The following SLC5A7 variants were observed in gnomAD, a reference collection of about 807,000 sequenced individuals.
SLC5A7 encodes solute carrier family 5 member 7.
SLC5A7 carries 19 observed loss-of-function variants against 55.4 expected under a neutral mutation model. The observed-to-expected ratio is 0.34, with a 90% CI of 0.24 to 0.50. The LOEUF (loss-of-function observed/expected upper bound fraction) is 0.50. Among genes scored for constraint, SLC5A7 ranks in the 20% least tolerant of loss-of-function variants. The probability of loss-of-function intolerance (pLI) is 0.98; values close to 1 mark genes in which losing one functional copy is unlikely to be tolerated. For synonymous variants in SLC5A7, 265 were observed against 263.7 expected (o/e 1.00, Z -0.05); for missense variants, 506 against 705.3 (o/e 0.72, Z 3.20).
chr2:108,011,029 G>T lies in SLC5A7; in HGVS notation c.*168G>T. The T allele has an allele frequency of 3.5e-6, 2 of 576,578 alleles. No homozygotes were observed. Among genetic ancestry groups the T allele is most frequent in the Non-Finnish European group, 5.3e-6 (2 of 374,122 alleles). The allele number at this position is 576,578 out of a possible 1,614,324, so 35.7% of individuals were successfully genotyped here. A position where few individuals can be genotyped will look rare whatever the true frequency, so the allele number is the denominator to read the frequency against. ...CAAATACAAGCCAAGCTAGAAGGAA[G>T]CACCTATGAAAGCAACAACTTTGTT... is the stretch of plus-strand genomic sequence containing the variant. On this transcript the variant is annotated 3_prime_UTR_variant, in exon 9 of 9. Coordinates refer to ENST00000264047, the MANE Select transcript of SLC5A7 (RefSeq NM_021815.5).
intron 5 of SLC5A7, among the ~76,000 whole-genome samples, chr2:107,999,421 A>T (rs1015838239): frequency 6.6e-6 from 1 of 152,200 alleles, no homozygotes; most frequent in Non-Finnish European, 1.5e-5. Context: ...GTGATTTCTC[A>T]TTGCTTTGTA....
intron 8 of SLC5A7, 107 bp from the exon 9 acceptor site, chr2:108,010,125 C>T: frequency 2.2e-6 from 3 of 1,349,962 alleles, no homozygotes; most frequent in Non-Finnish European, 3.0e-6. Context: ...CCATTTGAAC[C>T]AGGAGAATTC....
intron 2 of SLC5A7, among the ~76,000 whole-genome samples, chr2:107,990,021 A>G (rs1677390493): frequency 6.6e-6 from 1 of 152,132 alleles, no homozygotes; most frequent in African/African-American, 2.4e-5. Flanking sequence ...CTTGGTCAAT[A>G]TCATAATTCA....
rs1678397042 is a variant in SLC5A7, at chr2:108,013,008, A to G, written c.*2147A>G. 1 of 152,110 alleles carries G rather than the reference A, an allele frequency of 6.6e-6. No homozygotes were observed. The highest frequency in any genetic ancestry group is 2.1e-4 in the South Asian group (1 of 4,832). 9.4% of individuals were successfully genotyped at this position (152,110 alleles called of 1,614,324 possible). ...GGCACAGACTTCCACCATGTGCATCAGGAAACACCTCACTCATACTGTCAT... is the reference window on the plus strand; with the variant it reads ...GGCACAGACTTCCACCATGTGCATCGGGAAACACCTCACTCATACTGTCAT... On this transcript the variant is annotated 3_prime_UTR_variant, in exon 9 of 9. Coordinates refer to ENST00000264047, the MANE Select transcript of SLC5A7 (RefSeq NM_021815.5).
At chr2:107,994,852 A>G (rs1677607361) in intron 4 of SLC5A7, among the ~76,000 whole-genome samples, 1 of 152,206 alleles carries the variant, frequency 6.6e-6, no homozygotes, top group South Asian at 2.1e-4. Flanking sequence ...AAAATACAAA[A>G]TGTTCACTCA....
At chr2:107,987,360 A>G (rs1677288193) in intron 1 of SLC5A7, among the ~76,000 whole-genome samples, 1 of 152,234 alleles carries the variant, frequency 6.6e-6, no homozygotes, top group Non-Finnish European at 1.5e-5. Context: ...TTAAAACAAC[A>G]GCAACAACAA....
intron 6 of SLC5A7, among the ~76,000 whole-genome samples, chr2:108,002,282 T>G (rs1172485704): frequency 6.6e-6 from 1 of 152,064 alleles, no homozygotes; most frequent in Non-Finnish European, 1.5e-5. Flanking sequence ...GGGTCCTCAT[T>G]TCCGTTGTGA....
In SLC5A7 at chr2:108,012,757, A is replaced by T. The variant is rs373405723; in HGVS notation, c.*1896A>T. ...TATTTTTGGAACCAGTAAGTATGGG[A>T]GTCCACGATTCTCAGGTATTGATTG... On this transcript the variant is annotated 3_prime_UTR_variant, in exon 9 of 9. Transcript: ENST00000264047. 3.9e-5 allele frequency: 6 copies of T among 152,288 alleles called. No individual in the cohort carries two copies. In the East Asian group the frequency reaches 9.7e-4, roughly 24 times the overall value. 9.4% of individuals were successfully genotyped at this position (152,288 alleles called of 1,614,324 possible). A position where few individuals can be genotyped will look rare whatever the true frequency, so the allele number is the denominator to read the frequency against.
At position 108,010,561 on chromosome 2, in the gene SLC5A7, A is replaced by C; in HGVS notation, c.1443A>C (p.Thr481=). 6.2e-7 allele frequency: 1 copy of C among 1,613,754 alleles called. No homozygotes were observed. Among genetic ancestry groups the C allele is most frequent in the Non-Finnish European group, 8.5e-7 (1 of 1,179,864 alleles). ...GIYNQKFPFK[T]LAMVTSFLTN... is the part of the protein sequence containing the mutation. ...ATAATCAGAAATTTCCATTTAAAAC[A>C]CTTGCCATGGTTACATCATTCTTAA... Residue 481 remains threonine, a synonymous_variant, in exon 9 of 9, where the codon ACA becomes ACC. Coordinates refer to ENST00000264047, the MANE Select transcript of SLC5A7 (RefSeq NM_021815.5).
At chr2:107,988,777 C>T (rs966406396) in intron 2 of SLC5A7, among the ~76,000 whole-genome samples, 35 of 152,156 alleles carry the variant, frequency 2.3e-4, no homozygotes, top group African/African-American at 7.7e-4. Context: ...TGAATACCAT[C>T]TAGTGATGGT....
chr2:107,988,570 G>C (rs1338303243), intron 2 of SLC5A7, among the ~76,000 whole-genome samples: 3 of 152,184 alleles, frequency 2.0e-5, no homozygotes, highest in Non-Finnish European at 4.4e-5. Context: ...TCACTGGACT[G>C]AACAGTCATG....
At chr2:107,997,680 A>G (rs963880716) in intron 4 of SLC5A7, among the ~76,000 whole-genome samples, 158 bp from the exon 5 acceptor site, 1 of 152,210 alleles carries the variant, frequency 6.6e-6, no homozygotes, top group Non-Finnish European at 1.5e-5. Context: ...AAGATATACA[A>G]ATTTCAATAT....
At chr2:108,000,559 A>C (rs1229028994) in intron 5 of SLC5A7, among the ~76,000 whole-genome samples, 1 of 152,134 alleles carries the variant, frequency 6.6e-6, no homozygotes, top group Non-Finnish European at 1.5e-5. Flanking sequence ...TGGCTACCCA[A>C]AGTGCTACGA....
At chr2:107,998,189 C>T (rs1677750172) in intron 5 of SLC5A7, among the ~76,000 whole-genome samples, 1 of 152,174 alleles carries the variant, frequency 6.6e-6, no homozygotes, top group Non-Finnish European at 1.5e-5. Context: ...GAAAAGTGTG[C>T]TCTCCATTGG....
chr2:108,006,296 G>C, intron 7 of SLC5A7, 94 bp downstream of exon 7: 1 of 1,404,092 alleles, frequency 7.1e-7, no homozygotes, highest in Non-Finnish European at 9.8e-7. Flanking sequence ...CCTCCACATA[G>C]TGAATTCTTT....
Position 108,001,948 on chromosome 2 carries a change from T to C in SLC5A7, c.649T>C (p.Phe217Leu), listed in dbSNP as rs749869661. 1.2e-6 allele frequency: 2 copies of C among 1,614,074 alleles called. No individual in the cohort carries two copies. Among genetic ancestry groups the C allele is most frequent in the East Asian group, 2.2e-5 (1 of 44,894 alleles). ...LSHPAVADIG[F>L]TAVHAKYQKP... ...ACATCCTGCAGTCGCAGACATCGGG[T>C]TCACTGCTGTGCATGCCAAATACCA... Residue 217 changes from phenylalanine (F) to leucine (L), a missense_variant, in exon 6 of 9, where the codon TTC becomes CTC. This residue lies in a region of SLC5A7 where 309 missense variants were observed against 478.6 expected (regional missense o/e 0.65). Transcript: ENST00000264047.
intron 4 of SLC5A7, among the ~76,000 whole-genome samples, chr2:107,994,833 G>C (rs1165152839): frequency 2.0e-5 from 3 of 152,108 alleles, no homozygotes; most frequent in Non-Finnish European, 4.4e-5. Flanking sequence ...AGTGGGCTGA[G>C]TATATAACAA....
chr2:108,009,620 T>C (rs1678240229), intron 8 of SLC5A7, among the ~76,000 whole-genome samples: 1 of 152,208 alleles, frequency 6.6e-6, no homozygotes, highest in African/African-American at 2.4e-5. Context: ...CCTTCATCCA[T>C]GTCTCTGCAA....
chr2:107,988,432 T>C (rs1468962853), intron 2 of SLC5A7, 99 bp downstream of exon 2: 1 of 1,108,746 alleles, frequency 9.0e-7, no homozygotes, highest in Non-Finnish European at 1.3e-6. Context: ...ATGTTGGTCT[T>C]TGTCCTTTGG....
Sources: allele counts gnomAD v4.1 joint callset (sites outside exome capture counted in the v4.1 genomes callset), GRCh38; gene constraint gnomAD v4.1.1; regional missense constraint gnomAD v4.1.1; transcripts MANE v1.5; gene names NCBI Gene and HGNC (gene_info 2026-07-23, HGNC 2026-07-21).